The following PRKDC variants were observed in gnomAD, a reference collection of about 807,000 sequenced individuals.
PRKDC encodes the protein protein kinase, DNA-activated, catalytic subunit, also known as DNA-dependent protein kinase catalytic subunit.
PRKDC carries 82 observed loss-of-function variants against 486.9 expected under a neutral mutation model. The ratio of observed to expected loss-of-function variants is 0.17; its 90% confidence interval spans 0.14 to 0.20. PRKDC has a LOEUF of 0.20. Ranked by LOEUF, PRKDC falls within the 10% of genes least tolerant of loss-of-function variation. The probability of loss-of-function intolerance (pLI) is 1.00; values close to 1 mark genes in which losing one functional copy is unlikely to be tolerated. For synonymous variants in PRKDC, 1,895 were observed against 1,837.0 expected (o/e 1.03, Z -0.81); for missense variants, 4,504 against 5,038.2 (o/e 0.89, Z 3.21).
intron 7 of PRKDC, among the ~76,000 whole-genome samples, chr8:47,948,127 C>T (rs914880405): frequency 2.0e-5 from 3 of 151,096 alleles, no homozygotes; most frequent in African/African-American, 7.3e-5. Flanking sequence ...CACACACACG[C>T]GTTTATATAT....
intron 68 of PRKDC, among the ~76,000 whole-genome samples, chr8:47,811,072 A>G (rs905454981): frequency 5.3e-5 from 8 of 152,244 alleles, no homozygotes; most frequent in Non-Finnish European, 8.8e-5. Context: ...TACAGATTCA[A>G]GAAGGTAAGT....
At chr8:47,889,380 G>A (rs1010999773) in intron 32 of PRKDC, among the ~76,000 whole-genome samples, 158 bp from the exon 33 acceptor site, 1 of 152,210 alleles carries the variant, frequency 6.6e-6, no homozygotes, top group Non-Finnish European at 1.5e-5. Flanking sequence ...GAGGTTTGTG[G>A]GCTAGACAGT....
chr8:47,910,170 T>C (rs2089870896), intron 25 of PRKDC, among the ~76,000 whole-genome samples: 1 of 152,172 alleles, frequency 6.6e-6, no homozygotes, highest in African/African-American at 2.4e-5. Context: ...AGAACCTACG[T>C]TGAAATACTG....
At chr8:47,922,516 G>C (rs2090088297) in intron 21 of PRKDC, among the ~76,000 whole-genome samples, 1 of 151,580 alleles carries the variant, frequency 6.6e-6, no homozygotes, top group Non-Finnish European at 1.5e-5. Context: ...ATGTTGCCCA[G>C]ACTGGTCTCG....
rs568709506 is a variant in PRKDC at position 47,778,795 on chromosome 8, C to T, written c.11584G>A (p.Ala3862Thr). Residue 3862 changes from alanine to threonine, a missense_variant, in exon 82 of 86, where the codon GCT (alanine) becomes ACT (threonine). By Grantham distance (58) the Ala-to-Thr change is moderately conservative. Transcript: ENST00000314191. The stretch of plus-strand genomic sequence containing the variant: ...GACGTGACTGTTTCAGTACGATTAG[C>T]GCCCCTATGATTTAATAATAGAAAC... ...VGAYMLMYKG[A>T]NRTETVTSFR... 3.2e-5 allele frequency: 52 copies of T among 1,612,936 alleles called. No homozygotes were observed. The highest frequency in any genetic ancestry group is 3.3e-4 in the Middle Eastern group (2 of 6,048).
At chr8:47,820,605 A>G in intron 66 of PRKDC, 114 bp downstream of exon 66, 5 of 656,046 alleles carry the variant, frequency 7.6e-6, no homozygotes. Context: ...TTTTTTCATG[A>G]GTTTACTGAG....
chr8:47,837,577 G>C (rs550008786), intron 56 of PRKDC, among the ~76,000 whole-genome samples, 158 bp from the exon 57 acceptor site: 19 of 152,220 alleles, frequency 1.2e-4, no homozygotes, highest in African/African-American at 4.3e-4. Flanking sequence ...TATAGTCTGA[G>C]TTATGAAACA....
At chr8:47,888,452 A>G in intron 34 of PRKDC, 66 bp downstream of exon 34, 1 of 1,346,848 alleles carries the variant, frequency 7.4e-7, no homozygotes, top group South Asian at 1.9e-5. Flanking sequence ...AAGAAATAAT[A>G]TAAATAAATA....
In PRKDC at chr8:47,776,987, G is replaced by A; in HGVS notation, c.12043-4C>T. ...TCAGCATTTTCTGTTCAAAATTCTA[G>A]AAGAAAAGAACATGATTTTCCCGGC... On this transcript the variant is annotated splice_polypyrimidine_tract_variant and splice_region_variant and intron_variant, in intron 84 of 85. Transcript: ENST00000314191. The A allele has an allele frequency of 6.2e-7, 1 of 1,607,820 alleles. No individual in the cohort carries two copies. The highest frequency in any genetic ancestry group is 1.3e-5 in the African/African-American group (1 of 74,284).
chr8:47,907,338 C>A (rs1242281665), intron 25 of PRKDC, among the ~76,000 whole-genome samples: 1 of 147,354 alleles, frequency 6.8e-6, no homozygotes, highest in Admixed American at 8.4e-5. Context: ...CCGCGCCTGG[C>A]CAAGAATCAT....
chr8:47,839,285 T>C lies in PRKDC; in HGVS notation c.7455-39A>G, dbSNP rs756375059. ...CAGCAAAATGTCACAACATTAATGCTCTCTTCTGGCCCTTTTGTTCAACTA... is the reference window on the plus strand; with the variant it reads ...CAGCAAAATGTCACAACATTAATGCCCTCTTCTGGCCCTTTTGTTCAACTA... On this transcript the variant is annotated intron_variant, in intron 55 of 85. Coordinates refer to ENST00000314191, the MANE Select transcript of PRKDC (RefSeq NM_006904.7). 5 of 1,420,846 alleles carry C rather than the reference T, an allele frequency of 3.5e-6. No individual in the cohort carries two copies. In the South Asian group the frequency reaches 4.7e-5, roughly 13 times the overall value. 88.0% of individuals were successfully genotyped at this position (1,420,846 alleles called of 1,614,324 possible).
chr8:47,821,860 A>AG (rs2087605062), intron 64 of PRKDC, 68 bp from the exon 65 acceptor site: 2 of 1,310,880 alleles, frequency 1.5e-6, no homozygotes, highest in African/African-American at 3.0e-5. Flanking sequence ...ACACGTAAAA[A>AG]GGAGGAATGT....
Position 47,882,016 on chromosome 8 carries a change from T to A in PRKDC, c.4858A>T (p.Thr1620Ser). The change falls in exon 37 of 86, where the codon ACT (threonine) becomes TCT (serine). Residue 1620 changes from threonine to serine, a missense_variant. Thr to Ser is a moderately conservative substitution (Grantham distance 58). Transcript: ENST00000314191. ...NQKHQGLKLATTILQHWKKCD... is the reference protein window; with the variant it reads ...NQKHQGLKLASTILQHWKKCD... ...TTCTTCCAGTGTTGCAGAATTGTAG[T>A]CGCAAGTTTCAGTCCTTGGTGTTTC... is the stretch of plus-strand genomic sequence containing the variant. 6.2e-7 allele frequency: 1 copy of A among 1,614,058 alleles called. No individual in the cohort carries two copies. Among genetic ancestry groups the A allele is most frequent in the Non-Finnish European group, 8.5e-7 (1 of 1,179,888 alleles).
In PRKDC at chr8:47,830,645, T is replaced by C. The variant is rs1261223784; in HGVS notation, c.8357A>G (p.Lys2786Arg). The change falls in exon 61 of 86, where the codon AAG becomes AGG. Residue 2786 changes from lysine to arginine, a missense_variant. By Grantham distance (26) the Lys-to-Arg change is conservative (BLOSUM62 2). Transcript: ENST00000314191. The stretch of plus-strand genomic sequence containing the variant: ...TAACGGGGTGATGAGGCTGCTGTGC[T>C]TGATCTGAATGTCAGGAAGGTCTCC... Reference protein sequence around the residue: ...RHGDLPDIQIKHSSLITPLQA... With the variant: ...RHGDLPDIQIRHSSLITPLQA... 1.2e-5 allele frequency: 19 copies of C among 1,613,888 alleles called. No individual in the cohort carries two copies. The highest frequency in any genetic ancestry group is 1.6e-5 in the Non-Finnish European group (19 of 1,179,898).
chr8:47,805,269 A>G (rs2087195966), intron 69 of PRKDC: 1 of 152,162 alleles, frequency 6.6e-6, no homozygotes, highest in South Asian at 2.1e-4. Flanking sequence ...GAAGGGTTCC[A>G]GTTTCCCCCA....
Position 47,837,335 on chromosome 8 carries a change from A to G in PRKDC, c.7638T>C (p.Tyr2546=), listed in dbSNP as rs1283589594. 1 of 1,613,190 alleles carries G rather than the reference A, an allele frequency of 6.2e-7. No homozygotes were observed. The highest frequency in any genetic ancestry group is 8.5e-7 in the Non-Finnish European group (1 of 1,179,118). The change falls in exon 57 of 86, where the codon TAT becomes TAC. Residue 2546 remains tyrosine (Y), a synonymous_variant. Transcript: ENST00000314191. ...AAAAGTGCACTTCTATCTTAGGAGA[A>G]TATAAGGAATTTAGTGCCAGCAACC... The part of the protein sequence containing the change: ...LDRLLALNSL[Y]SPKIEVHFLS...
At chr8:47,888,232 C>T (rs1275239693) in intron 34 of PRKDC, among the ~76,000 whole-genome samples, 1 of 152,188 alleles carries the variant, frequency 6.6e-6, no homozygotes, top group Non-Finnish European at 1.5e-5. Flanking sequence ...CACAAAGGCA[C>T]AACAGCAGTT....
chr8:47,934,087 G>C lies in PRKDC; in HGVS notation c.1501C>G (p.Pro501Ala). ...CSKPVVLPKG[P>A]ESESEDHRAS... ...CGGTGGTCTTCAGATTCAGACTCAGGGCCCTGGCCAGAAAGACAGCATGAC... is the reference window on the plus strand; with the variant it reads ...CGGTGGTCTTCAGATTCAGACTCAGCGCCCTGGCCAGAAAGACAGCATGAC... The change falls in exon 15 of 86, where the codon CCT becomes GCT. Residue 501 changes from proline to alanine, a missense_variant. Pro to Ala is a conservative substitution (Grantham distance 27, BLOSUM62 -1). Transcript: ENST00000314191. 6.2e-7 allele frequency: 1 copy of C among 1,611,964 alleles called. No homozygotes were observed. The highest frequency in any genetic ancestry group is 8.5e-7 in the Non-Finnish European group (1 of 1,178,966).
chr8:47,878,431 C>T (rs1259038237), intron 39 of PRKDC, among the ~76,000 whole-genome samples: 1 of 152,124 alleles, frequency 6.6e-6, no homozygotes, highest in Non-Finnish European at 1.5e-5. Flanking sequence ...TTTGCAGATG[C>T]TACTCTTCTC....
Sources: gnomAD v4.1 joint callset for allele counts (sites outside exome capture counted in the v4.1 genomes callset) on GRCh38, gnomAD v4.1.1 for gene constraint, MANE v1.5 for transcripts, NCBI Gene and HGNC (gene_info 2026-07-23, HGNC 2026-07-21) for gene names.